AKR1C3: variants seen among roughly 807,000 people sequenced by gnomAD.
The protein encoded by AKR1C3 is 3-alpha hydroxysteroid dehydrogenase, type II.
Under a neutral mutation model 43.6 loss-of-function variants are expected in AKR1C3, and 48 were observed. The ratio of observed to expected loss-of-function variants is 1.10; its 90% CI spans 0.87 to 1.40. The LOEUF (loss-of-function observed/expected upper bound fraction) is 1.40, where lower values mean the gene tolerates loss of function less well. Ranked by LOEUF, AKR1C3 falls within the 40% of genes most tolerant of loss-of-function variation. The pLI is 0.00. For synonymous variants in AKR1C3, 162 were observed against 139.6 expected, an observed-to-expected ratio of 1.16 and a Z score of -1.13; for missense variants, 482 against 391.2, an observed-to-expected ratio of 1.23 and a Z score of -1.96.
upstream of AKR1C3, among the ~76,000 whole-genome samples, chr10:5,091,897 T>A (rs1324340556): frequency 6.6e-6 from 1 of 152,180 alleles, no homozygotes; most frequent in Non-Finnish European, 1.5e-5. Flanking sequence ...AAGGGCTTCA[T>A]ACTTCTATAT....
intron 1 of AKR1C3, among the ~76,000 whole-genome samples, chr10:5,086,234 C>T (rs1231174447): frequency 1.3e-5 from 2 of 151,628 alleles, no homozygotes; most frequent in Admixed American, 6.6e-5. Flanking sequence ...TTTCCCTCTA[C>T]ACATTGCTTT....
intron 1 of AKR1C3, among the ~76,000 whole-genome samples, chr10:5,073,459 G>A (rs1192947612): frequency 9.9e-5 from 15 of 152,036 alleles, no homozygotes; most frequent in Non-Finnish European, 1.9e-4. Flanking sequence ...GTAACATAAT[G>A]GAAGACATAG....
Position 5,102,293 on chromosome 10 carries a change from TAA to T in AKR1C3, c.680+84_680+85del, listed in dbSNP as rs1839374369. The T allele has an allele frequency of 5.0e-5, 79 of 1,579,706 alleles. 2 individuals are homozygous for T. In the South Asian group the frequency reaches 8.8e-4, roughly 18 times the overall value. On this transcript the variant is annotated intron_variant, in intron 6 of 8. Transcript: ENST00000380554. ...CAGAGCATCCTCAGTTTCCTGTAGT[TAA>T]GTTTCAAGTGGCTCATGGAGAGGAA...
At chr10:5,100,711 A>C in intron 5 of AKR1C3, among the ~76,000 whole-genome samples, 1 of 152,226 alleles carries the variant, frequency 6.6e-6, no homozygotes, top group Non-Finnish European at 1.5e-5. Context: ...CTAATGATAC[A>C]GTTCCATCAT....
intron 3 of AKR1C3, chr10:5,097,924 T>G: frequency 9.5e-7 from 1 of 1,050,170 alleles, no homozygotes; most frequent in African/African-American, 1.7e-5. Flanking sequence ...CACAATGAGT[T>G]TCCACCATCT....
chr10:5,102,728 C>A, intron 7 of AKR1C3, 78 bp downstream of exon 7: 1 of 1,479,268 alleles, frequency 6.8e-7, no homozygotes, highest in Non-Finnish European at 9.0e-7. Context: ...GCTCTCAGGA[C>A]AGCCTTGGGC....
At chr10:5,095,108 C>G (rs1209845827) in intron 1 of AKR1C3, among the ~76,000 whole-genome samples, 2 of 152,028 alleles carry the variant, frequency 1.3e-5, no homozygotes, top group Non-Finnish European at 2.9e-5. Context: ...AATCTAGAAC[C>G]TAACAAAGGA....
intron 1 of AKR1C3, chr10:5,081,987 T>C (rs1554782400): frequency 6.6e-6 from 1 of 151,956 alleles, no homozygotes; most frequent in Non-Finnish European, 1.5e-5. Flanking sequence ...CTAAACCTAC[T>C]TGCATGATGC....
At chr10:5,060,457 A>T (rs1187134947) in intron 1 of AKR1C3, among the ~76,000 whole-genome samples, 1 of 152,122 alleles carries the variant, frequency 6.6e-6, no homozygotes, top group Non-Finnish European at 1.5e-5. Context: ...TTAGATACAG[A>T]GTGTCGATTG....
intron 1 of AKR1C3, chr10:5,048,906 T>A (rs1554778648): frequency 6.2e-7 from 1 of 1,609,480 alleles, no homozygotes; most frequent in East Asian, 2.2e-5. Context: ...GTAATAATAA[T>A]GTTTTTGGTG....
intron 7 of AKR1C3, 150 bp downstream of exon 7, chr10:5,102,800 A>G (rs587771782): frequency 2.7e-6 from 4 of 1,464,136 alleles, no homozygotes; most frequent in Non-Finnish European, 3.6e-6. Flanking sequence ...GGTTTCTTCT[A>G]CTCTACCACG....
intron 1 of AKR1C3, among the ~76,000 whole-genome samples, chr10:5,084,558 G>C (rs557705349): frequency 6.6e-6 from 1 of 152,082 alleles, no homozygotes; most frequent in Non-Finnish European, 1.5e-5. Flanking sequence ...TTGGTGAGGC[G>C]GGCTCTTTTT....
intron 1 of AKR1C3, among the ~76,000 whole-genome samples, chr10:5,066,455 T>C (rs1291587495): frequency 6.6e-6 from 1 of 152,164 alleles, no homozygotes; most frequent in Admixed American, 6.5e-5. Flanking sequence ...GGTGTCCTCA[T>C]GGTTGCACAT....
intron 7 of AKR1C3, among the ~76,000 whole-genome samples, chr10:5,103,924 T>C (rs1466779964): frequency 2.0e-5 from 3 of 151,706 alleles, no homozygotes; most frequent in African/African-American, 7.3e-5. Flanking sequence ...GATAGGTTAA[T>C]ATATATGATA....
At chr10:5,103,170 G>A (rs1839402638) in intron 7 of AKR1C3, among the ~76,000 whole-genome samples, 1 of 152,142 alleles carries the variant, frequency 6.6e-6, no homozygotes, top group Non-Finnish European at 1.5e-5. Context: ...CTACAGGTGT[G>A]AGCCACCGCT....
At chr10:5,049,975 G>GT (rs1838119612) in intron 1 of AKR1C3, among the ~76,000 whole-genome samples, 1 of 152,210 alleles carries the variant, frequency 6.6e-6, no homozygotes, top group Admixed American at 6.5e-5. Context: ...TAGGCCTGGT[G>GT]TTTTTACTAC....
At chr10:5,076,661 T>C (rs989058851) in intron 1 of AKR1C3, among the ~76,000 whole-genome samples, 4 of 152,196 alleles carry the variant, frequency 2.6e-5, no homozygotes, top group Non-Finnish European at 5.9e-5. Flanking sequence ...TACTAATTCA[T>C]GCCTTCTATT....
At chr10:5,065,384 G>T (rs1554780684) in intron 1 of AKR1C3, among the ~76,000 whole-genome samples, 3 of 152,248 alleles carry the variant, frequency 2.0e-5, no homozygotes, top group Admixed American at 6.5e-5. Flanking sequence ...ACTGGATAAA[G>T]AAATCTTTAC....
At chr10:5,080,698 T>G (rs1376717217) in intron 1 of AKR1C3, 2 of 152,388 alleles carry the variant, frequency 1.3e-5, no homozygotes, top group Admixed American at 1.3e-4. Context: ...TTAGGAAGGA[T>G]GGAAGGATCT....
Sources: allele counts gnomAD v4.1 joint callset (sites outside exome capture counted in the v4.1 genomes callset), GRCh38; gene constraint gnomAD v4.1.1; transcripts MANE v1.5; gene names NCBI Gene and HGNC (gene_info 2026-07-23, HGNC 2026-07-21).